The following SLC17A1 variants were observed in gnomAD, a reference collection of about 807,000 sequenced individuals.
SLC17A1 encodes the protein solute carrier family 17 member 1.
A neutral mutation model predicts 53.5 loss-of-function variants in SLC17A1; 51 were observed. That is an observed-to-expected ratio of 0.95 (90% CI 0.76 to 1.20). The LOEUF (loss-of-function observed/expected upper bound fraction) is 1.20. SLC17A1 is among the 50% of genes most tolerant of loss of function. The pLI is 0.00. For missense variants in SLC17A1, 538 were observed against 568.2 expected, an observed-to-expected ratio of 0.95 and a Z score of 0.54; for synonymous variants, 179 against 198.8, an observed-to-expected ratio of 0.90 and a Z score of 0.84.
At chr6:25,784,625 C>T (rs1463254596) in intron 12 of SLC17A1, among the ~76,000 whole-genome samples, 2 of 152,144 alleles carry the variant, frequency 1.3e-5, no homozygotes, top group Non-Finnish European at 2.9e-5. Flanking sequence ...CTACGCCCCA[C>T]TTTTAACACT....
intron 12 of SLC17A1, among the ~76,000 whole-genome samples, chr6:25,796,560 T>C (rs1272329471): frequency 2.0e-5 from 3 of 152,122 alleles, no homozygotes; most frequent in African/African-American, 4.8e-5. Flanking sequence ...AAGTTATGAT[T>C]GTGCTACTGT....
chr6:25,742,383 G>C, the SLC17A1 span, among the ~76,000 whole-genome samples: 1 of 152,004 alleles, frequency 6.6e-6, no homozygotes, highest in African/African-American at 2.4e-5. Flanking sequence ...AACCCAGTGG[G>C]GCATAGTGAC....
rs780469330 is a variant in SLC17A1 at position 25,819,147 on chromosome 6, C to A, written c.537G>T (p.Leu179Phe). 2 of 1,606,674 alleles carry A rather than the reference C, an allele frequency of 1.2e-6. No individual in the cohort carries two copies. Among genetic ancestry groups the A allele is most frequent in the Non-Finnish European group, 1.7e-6 (2 of 1,177,440 alleles). The change falls in exon 6 of 13, where the codon TTG (leucine) becomes TTT (phenylalanine). Residue 179 changes from leucine (L) to phenylalanine (F), a missense_variant. Physicochemically the swap from Leu to Phe is conservative, Grantham distance 22 (BLOSUM62 0). Coordinates refer to ENST00000244527, the MANE Select transcript of SLC17A1 (RefSeq NM_005074.5). ...CAAGTAGGACAATAAAGGGTCCCAG[C>A]AAAAACCCTAATCAGTAGGTACAAA... is the stretch of plus-strand genomic sequence containing the variant. The part of the protein sequence containing the change: ...RLTSMSTSGF[L>F]LGPFIVLLVT...
the SLC17A1 span, among the ~76,000 whole-genome samples, chr6:25,736,068 GT>G: frequency 6.0e-5 from 9 of 149,472 alleles, no homozygotes; most frequent in East Asian, 1.6e-3. Context: ...AAAAATAAAG[GT>G]GACATCAGAA....
the SLC17A1 span, chr6:25,761,984 A>G: frequency 3.7e-6 from 6 of 1,613,402 alleles, no homozygotes; most frequent in African/African-American, 8.0e-5. Context: ...ACCAGATGTC[A>G]AGGCTACAGT....
chr6:25,757,991 G>A, the SLC17A1 span, among the ~76,000 whole-genome samples: 1 of 152,148 alleles, frequency 6.6e-6, no homozygotes, highest in Non-Finnish European at 1.5e-5. Flanking sequence ...ATCCGTATCT[G>A]GTTCACAAGG....
chr6:25,759,088 C>T, the SLC17A1 span, among the ~76,000 whole-genome samples: 1 of 152,138 alleles, frequency 6.6e-6, no homozygotes, highest in East Asian at 1.9e-4. Context: ...TATTTAATTT[C>T]CATGTATTTG....
chr6:25,726,182 G>A, the SLC17A1 span: 7 of 1,592,204 alleles, frequency 4.4e-6, no homozygotes, highest in Admixed American at 5.1e-5. Context: ...TTGGGCAGCA[G>A]CACTGCCTGA....
At chr6:25,768,956 T>A in the SLC17A1 span, 3 of 1,603,724 alleles carry the variant, frequency 1.9e-6, no homozygotes, top group African/African-American at 2.7e-5. Flanking sequence ...GCATTCTGAT[T>A]GTGATTTTTC....
At position 25,822,034 on chromosome 6, in the gene SLC17A1, A is replaced by G. The variant is rs1247811186; in HGVS notation, c.208-2119T>C. On this transcript the variant is annotated intron_variant, in intron 3 of 12. Coordinates refer to ENST00000244527, the MANE Select transcript of SLC17A1 (RefSeq NM_005074.5). ...ATAAAAGAATATATACTTTAAAATT[A>G]TGGTAGAATTTCTAACTGTCAAGTT... Among the ~76,000 whole-genome samples the G allele has an allele frequency of 2.6e-5, 4 of 152,228 alleles. No individual in the cohort carries two copies. In the South Asian group the frequency reaches 6.2e-4, roughly 24 times the overall value.
chr6:25,762,067 CAGTAATCTGGT>C, the SLC17A1 span: 1 of 1,607,332 alleles, frequency 6.2e-7, no homozygotes. Flanking sequence ...AAATCATGCA[CAGTAATCTGGT>C]AGTAAATAAA....
chr6:25,822,996 T>C (rs1218524621), intron 3 of SLC17A1, among the ~76,000 whole-genome samples: 1 of 152,074 alleles, frequency 6.6e-6, no homozygotes, highest in Non-Finnish European at 1.5e-5. Context: ...CTGCTGCCTG[T>C]CGCTGTAACT....
chr6:25,734,612 A>G, the SLC17A1 span, among the ~76,000 whole-genome samples: 3 of 152,264 alleles, frequency 2.0e-5, no homozygotes, highest in African/African-American at 7.2e-5. Context: ...CAACTCTGGT[A>G]GCCAATTAAA....
At chr6:25,789,530 A>C (rs1387245426) in intron 12 of SLC17A1, among the ~76,000 whole-genome samples, 1 of 152,188 alleles carries the variant, frequency 6.6e-6, no homozygotes, top group African/African-American at 2.4e-5. Flanking sequence ...AAAACCTGAT[A>C]GGCCCCACCT....
chr6:25,819,593 T>C lies in SLC17A1; in HGVS notation c.447A>G (p.Ile149Met). Residue 149 changes from isoleucine to methionine, a missense_variant, in exon 5 of 13, where the codon ATA becomes ATG. Transcript: ENST00000244527. ...CRAVQGAAQG[I>M]VATAQFEIYV... ...ATATTTCAAACTGGGCTGTTGCAAC[T>C]ATCCCCTGAAATGAGAAAGGTTTGA... is the stretch of plus-strand genomic sequence containing the variant. The C allele has an allele frequency of 6.2e-7, 1 of 1,612,538 alleles. No individual in the cohort carries two copies. Among genetic ancestry groups the C allele is most frequent in the Non-Finnish European group, 8.5e-7 (1 of 1,178,544 alleles).
At chr6:25,733,330 G>C in the SLC17A1 span, among the ~76,000 whole-genome samples, 41,483 of 152,050 alleles carry the variant, frequency 0.27, 6,871 homozygotes, top group East Asian at 0.7. Flanking sequence ...TGATTAGAAG[G>C]AAAGGAAGAT....
chr6:25,749,418 T>C, the SLC17A1 span, among the ~76,000 whole-genome samples: 11 of 152,336 alleles, frequency 7.2e-5, no homozygotes, highest in Non-Finnish European at 1.6e-4. Flanking sequence ...ATGGAGTTTC[T>C]TATGTCTTCC....
At chr6:25,776,866 A>G in the SLC17A1 span, 8 of 1,613,954 alleles carry the variant, frequency 5.0e-6, no homozygotes, top group Non-Finnish European at 6.8e-6. Context: ...AGATCCAGCC[A>G]CAGCATGACC....
At chr6:25,779,147 G>A (rs144164391), downstream of SLC17A1, 255 of 1,613,894 alleles carry the variant, frequency 1.6e-4, no homozygotes, top group African/African-American at 1.4e-3. Flanking sequence ...CCGAGCAGAT[G>A]TGCAGGACTG....
Sources: allele counts gnomAD v4.1 joint callset (sites outside exome capture counted in the v4.1 genomes callset), GRCh38; gene constraint gnomAD v4.1.1; transcripts MANE v1.5; gene names NCBI Gene and HGNC (gene_info 2026-07-23, HGNC 2026-07-21).